The following BACH2 variants were observed in gnomAD, a reference collection of about 807,000 sequenced individuals.
BACH2 encodes the protein transcription regulator protein BACH2.
BACH2 carries 5 observed loss-of-function variants against 61.8 expected under a neutral mutation model. That is an observed-to-expected ratio of 0.08 (90% confidence interval 0.04 to 0.17). The LOEUF (loss-of-function observed/expected upper bound fraction) is 0.17, where lower values mean the gene tolerates loss of function less well. Among genes scored for constraint, BACH2 ranks in the 10% least tolerant of loss-of-function variants. The pLI, the probability that BACH2 is intolerant of heterozygous loss-of-function variation, is 1.00. For synonymous variants in BACH2, 446 were observed against 440.1 expected, an observed-to-expected ratio of 1.01 and a Z score of -0.17; for missense variants, 824 against 1,091.1, an observed-to-expected ratio of 0.76 and a Z score of 3.45.
At chr6:90,033,067 T>C (rs112503042) in intron 5 of BACH2, among the ~76,000 whole-genome samples, 2,732 of 151,738 alleles carry the variant, frequency 0.018, 72 homozygotes, top group African/African-American at 0.063. Flanking sequence ...GGGACATGGA[T>C]GAAGCTGGAA....
Position 90,008,439 on chromosome 6 carries a change from T to C in BACH2, c.243+163A>G, listed in dbSNP as rs1777529707. 1.3e-5 allele frequency among the ~76,000 whole-genome samples: 2 copies of C among 152,152 alleles called. No individual in the cohort carries two copies. Among genetic ancestry groups the C allele is most frequent in the Admixed American group, 1.3e-4 (2 of 15,272 alleles). ...CATTCTGTGCCTCTGAGACTTTAAG[T>C]GTATCAAATAGAAACTGACTATGCC... On this transcript the variant is annotated intron_variant, in intron 6 of 8. Transcript: ENST00000257749. This position sits in a 1 kb window ranked among gnomAD's most constrained non-coding sequence, Gnocchi z 4.1.
intron 2 of BACH2, among the ~76,000 whole-genome samples, chr6:90,254,123 A>C (rs1248703698): frequency 6.6e-6 from 1 of 152,008 alleles, no homozygotes; most frequent in East Asian, 1.9e-4. Flanking sequence ...CAGGGCCAGA[A>C]ATAAACCCCA....
intron 6 of BACH2, among the ~76,000 whole-genome samples, chr6:89,960,477 C>T (rs1223781053): frequency 6.6e-6 from 1 of 152,202 alleles, no homozygotes; most frequent in African/African-American, 2.4e-5. Context: ...TTATTACTCT[C>T]TCTAAAATAT....
intron 3 of BACH2, among the ~76,000 whole-genome samples, chr6:90,228,875 T>C (rs1252845968): frequency 6.6e-6 from 1 of 152,170 alleles, no homozygotes; most frequent in Non-Finnish European, 1.5e-5. Flanking sequence ...AGCCTAAGTA[T>C]AAGAACAACC....
At chr6:90,199,786 G>A (rs1281957910) in intron 4 of BACH2, among the ~76,000 whole-genome samples, 2 of 152,138 alleles carry the variant, frequency 1.3e-5, no homozygotes, top group African/African-American at 4.8e-5. Context: ...TAAAAATGAA[G>A]TTTTTTGAAG....
At chr6:90,001,768 C>A (rs970149955) in intron 6 of BACH2, among the ~76,000 whole-genome samples, 3 of 152,134 alleles carry the variant, frequency 2.0e-5, no homozygotes, top group Admixed American at 6.5e-5. Flanking sequence ...ATATGGCCTA[C>A]CTGATTACAA....
At chr6:90,180,956 T>C (rs1582456326) in intron 4 of BACH2, among the ~76,000 whole-genome samples, 1 of 152,142 alleles carries the variant, frequency 6.6e-6, no homozygotes, top group Non-Finnish European at 1.5e-5. Context: ...ATCTTTGCAA[T>C]TGTGAATTGT....
chr6:90,201,318 C>G (rs1048074578), intron 4 of BACH2, among the ~76,000 whole-genome samples: 3 of 152,128 alleles, frequency 2.0e-5, no homozygotes, highest in East Asian at 1.9e-4. Context: ...TATGACAGAG[C>G]CTGATGTTCC....
At chr6:90,147,417 A>G (rs1272876813) in intron 4 of BACH2, among the ~76,000 whole-genome samples, 3 of 152,100 alleles carry the variant, frequency 2.0e-5, no homozygotes, top group Non-Finnish European at 2.9e-5. Flanking sequence ...ACATCACTAT[A>G]CCATAAGCCT....
intron 1 of BACH2, among the ~76,000 whole-genome samples, chr6:90,276,506 C>T (rs899984732): frequency 6.6e-6 from 1 of 152,232 alleles, no homozygotes; most frequent in African/African-American, 2.4e-5. Context: ...TTCATTCAGA[C>T]AGGTTGCCTC....
At chr6:90,074,862 C>T (rs1035845627) in intron 5 of BACH2, among the ~76,000 whole-genome samples, 3 of 152,118 alleles carry the variant, frequency 2.0e-5, no homozygotes, top group Admixed American at 6.5e-5. Flanking sequence ...TAAGGAGCTC[C>T]CCCTTTCTCC....
At chr6:90,033,365 AAAAAAG>A (rs1266742626) in intron 5 of BACH2, among the ~76,000 whole-genome samples, 1 of 151,894 alleles carries the variant, frequency 6.6e-6, no homozygotes, top group Non-Finnish European at 1.5e-5. Flanking sequence ...AAAAAAAAAA[AAAAAAG>A]AAAATCAGAC....
intron 1 of BACH2, among the ~76,000 whole-genome samples, chr6:90,279,410 C>G (rs1429375787): frequency 1.3e-5 from 2 of 151,794 alleles, no homozygotes; most frequent in African/African-American, 4.8e-5. Flanking sequence ...GTAATCGCAG[C>G]CACTCAAGAG....
intron 5 of BACH2, among the ~76,000 whole-genome samples, chr6:90,038,776 C>T (rs572072475): frequency 2.6e-5 from 4 of 152,138 alleles, no homozygotes; most frequent in African/African-American, 9.6e-5. Context: ...TGGTGGCTCA[C>T]ACTTGTAATC....
At chr6:90,001,988 T>C (rs76877792) in intron 6 of BACH2, among the ~76,000 whole-genome samples, 1,928 of 152,310 alleles carry the variant, frequency 0.013, 41 homozygotes, top group African/African-American at 0.044. Flanking sequence ...TAGAACACAA[T>C]CAAATTGGTT....
chr6:90,211,327 T>C (rs1769341880), intron 3 of BACH2, among the ~76,000 whole-genome samples: 1 of 152,036 alleles, frequency 6.6e-6, no homozygotes, highest in Non-Finnish European at 1.5e-5. Flanking sequence ...CCCAGAGATT[T>C]GGGCTCCTGG....
intron 6 of BACH2, among the ~76,000 whole-genome samples, chr6:90,005,615 C>T (rs150163524): frequency 1.3e-5 from 2 of 152,276 alleles, no homozygotes; most frequent in South Asian, 2.1e-4. Context: ...GAAAACAATG[C>T]CCAGCACGTG....
At chr6:90,295,250 G>C (rs1772303860) in intron 1 of BACH2, among the ~76,000 whole-genome samples, 1 of 152,158 alleles carries the variant, frequency 6.6e-6, no homozygotes, top group African/African-American at 2.4e-5. Context: ...CCCGGCAGCG[G>C]CCGCGCCGGA....
rs1261509404 is a variant in BACH2 at position 90,088,986 on chromosome 6, G to A, written c.-38C>T. 1 of 152,282 alleles carries A rather than the reference G, an allele frequency of 6.6e-6. No individual in the cohort carries two copies. Among genetic ancestry groups the A allele is most frequent in the Non-Finnish European group, 1.5e-5 (1 of 68,034 alleles). The allele number at this position is 152,282 out of a possible 1,614,324, so 9.4% of individuals were successfully genotyped here. On this transcript the variant is annotated 5_prime_UTR_variant, in exon 5 of 9. The change creates a premature stop within an existing upstream ORF in the 5' untranslated region. Coordinates refer to ENST00000257749, the MANE Select transcript of BACH2 (RefSeq NM_021813.4). ...ATGTAATTTTTCCAGGTCCTGTGCT[G>A]CCTTCGAGTCTTAGGATGCAGGGAA...
Sources: gnomAD v4.1 joint callset for allele counts (sites outside exome capture counted in the v4.1 genomes callset) on GRCh38, gnomAD v4.1.1 for gene constraint, Gnocchi (gnomAD v3.1) non-coding constraint, MANE v1.5 for transcripts, NCBI Gene and HGNC (gene_info 2026-07-23, HGNC 2026-07-21) for gene names.